IQGAP2: variants seen among roughly 807,000 people sequenced by gnomAD.
The protein encoded by IQGAP2 is IQ motif containing GTPase activating protein 2, also known as ras GTPase-activating-like protein IQGAP2.
Under a neutral mutation model 201.3 loss-of-function variants are expected in IQGAP2, and 173 were observed. That is an observed-to-expected ratio of 0.86 (90% CI 0.76 to 0.98). The LOEUF (loss-of-function observed/expected upper bound fraction) is 0.98, where lower values mean the gene tolerates loss of function less well. IQGAP2 is among the 50% of genes least tolerant of loss of function. IQGAP2 has a pLI of 0.00. For synonymous variants in IQGAP2, 675 were observed against 673.9 expected (o/e 1.00, Z -0.03); for missense variants, 1,687 against 1,864.8 (o/e 0.90, Z 1.76).
At chr5:76,655,791 A>G (rs928805100) in intron 20 of IQGAP2, among the ~76,000 whole-genome samples, 2 of 152,206 alleles carry the variant, frequency 1.3e-5, no homozygotes, top group Non-Finnish European at 2.9e-5. Flanking sequence ...CCCAAAAATA[A>G]CAATCACATT....
At chr5:76,676,889 T>C (rs1744867880) in intron 27 of IQGAP2, among the ~76,000 whole-genome samples, 2 of 152,172 alleles carry the variant, frequency 1.3e-5, no homozygotes, top group East Asian at 3.8e-4. Context: ...AGAATTATCA[T>C]TTTTGACTTT....
At position 76,640,983 on chromosome 5, in the gene IQGAP2, T is replaced by A. The variant is rs551482255; in HGVS notation, c.1974T>A (p.Ser658=). 6.2e-7 allele frequency: 1 copy of A among 1,608,552 alleles called. No homozygotes were observed. The stretch of plus-strand genomic sequence containing the variant: ...GTTACATTCGTGAGAATATATGGTC[T>A]GCTTCAGAAGAGTTGCTTCTTCGCT... ...TVGYIRENIW[S]ASEELLLRFQ... The change falls in exon 17 of 36, where the codon TCT becomes TCA. Residue 658 remains serine (S), a synonymous_variant. Transcript: ENST00000274364.
intron 2 of IQGAP2, among the ~76,000 whole-genome samples, chr5:76,512,035 G>A (rs1022858937): frequency 6.6e-6 from 1 of 152,158 alleles, no homozygotes; most frequent in Non-Finnish European, 1.5e-5. Flanking sequence ...GTATCCTTAG[G>A]TCAAGATTAT....
chr5:76,444,869 A>G (rs951032040), intron 1 of IQGAP2, among the ~76,000 whole-genome samples: 1 of 152,200 alleles, frequency 6.6e-6, no homozygotes, highest in African/African-American at 2.4e-5. Context: ...TTTTGGAAAT[A>G]AAAGAAAATG....
chr5:76,667,072 C>T (rs1182031436), intron 22 of IQGAP2, among the ~76,000 whole-genome samples: 7 of 152,236 alleles, frequency 4.6e-5, no homozygotes, highest in East Asian at 1.9e-4. Flanking sequence ...TAACCAAAGC[C>T]GCAGTCAGCT....
At chr5:76,627,621 A>G in intron 14 of IQGAP2, 121 bp downstream of exon 14, 1 of 643,920 alleles carries the variant, frequency 1.6e-6, no homozygotes, top group South Asian at 2.2e-5. Context: ...GTTCTTGGAC[A>G]CATAATTATA....
At chr5:76,515,348 C>A (rs186041597) in intron 2 of IQGAP2, among the ~76,000 whole-genome samples, 1 of 152,112 alleles carries the variant, frequency 6.6e-6, no homozygotes. Flanking sequence ...TTTTATCAAG[C>A]GATTTTTCTC....
intron 9 of IQGAP2, among the ~76,000 whole-genome samples, chr5:76,594,351 T>G (rs1293645606): frequency 2.0e-5 from 3 of 152,194 alleles, no homozygotes; most frequent in Non-Finnish European, 4.4e-5. Flanking sequence ...TTCTTTTTCA[T>G]GTTAAATAAA....
intron 1 of IQGAP2, among the ~76,000 whole-genome samples, chr5:76,442,334 C>T (rs1454983819): frequency 1.3e-5 from 2 of 152,182 alleles, no homozygotes; most frequent in Non-Finnish European, 2.9e-5. Flanking sequence ...ATAGTCTGAT[C>T]TCATTTCCTT....
chr5:76,403,490 C>G lies in IQGAP2; in HGVS notation c.-56C>G. The G allele has an allele frequency of 7.3e-7, 1 of 1,368,818 alleles. No homozygotes were observed. Among genetic ancestry groups the G allele is most frequent in the Non-Finnish European group, 9.5e-7 (1 of 1,056,120 alleles). The allele number at this position is 1,368,818 out of a possible 1,614,324, so 84.8% of individuals were successfully genotyped here. Reference sequence around the variant, plus strand: ...CGGGGCGCAGAGCCCGCGAGCCTGGCCAGCGAGGGTAGCCGCGGGGGGCGC... The same window carrying G: ...CGGGGCGCAGAGCCCGCGAGCCTGGGCAGCGAGGGTAGCCGCGGGGGGCGC... On this transcript the variant is annotated 5_prime_UTR_variant, in exon 1 of 36. Coordinates refer to ENST00000274364, the MANE Select transcript of IQGAP2 (RefSeq NM_006633.5). The surrounding 1 kb of genome is among the most constrained non-coding windows in gnomAD (Gnocchi z 4.8).
chr5:76,586,079 T>A (rs1280871760), intron 5 of IQGAP2, among the ~76,000 whole-genome samples: 1 of 152,198 alleles, frequency 6.6e-6, no homozygotes, highest in East Asian at 1.9e-4. Flanking sequence ...TGATCTAGCT[T>A]TAATTATAAT....
At chr5:76,691,535 G>A (rs1277386568) in intron 30 of IQGAP2, 1 of 152,166 alleles carries the variant, frequency 6.6e-6, no homozygotes, top group African/African-American at 2.4e-5. Context: ...AGGAAGGAAA[G>A]GATACATTGC....
intron 12 of IQGAP2, among the ~76,000 whole-genome samples, chr5:76,610,422 G>T (rs1195469866): frequency 6.6e-6 from 1 of 151,606 alleles, no homozygotes; most frequent in South Asian, 2.1e-4. Flanking sequence ...TAATGAAAAA[G>T]ACAATAACAA....
chr5:76,497,074 C>G (rs1757034554), intron 2 of IQGAP2, among the ~76,000 whole-genome samples: 1 of 152,132 alleles, frequency 6.6e-6, no homozygotes, highest in Admixed American at 6.5e-5. Context: ...ATGATCCACC[C>G]ACCTCAGCCT....
At chr5:76,627,545 T>C (rs1750354823) in intron 14 of IQGAP2, 45 bp downstream of exon 14, 3 of 1,046,660 alleles carry the variant, frequency 2.9e-6, no homozygotes, top group Non-Finnish European at 4.5e-6. Flanking sequence ...CTTTTTGGAT[T>C]TGGTTATGTG....
chr5:76,622,754 T>G (rs1749827885), intron 13 of IQGAP2, among the ~76,000 whole-genome samples: 1 of 152,248 alleles, frequency 6.6e-6, no homozygotes, highest in Non-Finnish European at 1.5e-5. Flanking sequence ...TGACTTTCTC[T>G]TTCTGGCAGT....
rs1748047549 is a variant in IQGAP2, at chr5:76,707,924, A to G, written c.*611A>G. ...ATGAAAGTGCACTACTGCCTCATGTAAAGACTCTTGCACGCAGAGCCTTTA... is the reference window on the plus strand; with the variant it reads ...ATGAAAGTGCACTACTGCCTCATGTGAAGACTCTTGCACGCAGAGCCTTTA... On this transcript the variant is annotated 3_prime_UTR_variant, in exon 36 of 36. Transcript: ENST00000274364. 6.6e-6 allele frequency: 1 copy of G among 152,666 alleles called. No individual in the cohort carries two copies. The highest frequency in any genetic ancestry group is 6.5e-5 in the Admixed American group (1 of 15,280). The allele number at this position is 152,666 out of a possible 1,614,324, so 9.5% of individuals were successfully genotyped here. A position where few individuals can be genotyped will look rare whatever the true frequency, so the allele number is the denominator to read the frequency against.
At position 76,640,914 on chromosome 5, in the gene IQGAP2, A is replaced by G. The variant is rs781206835; in HGVS notation, c.1924-19A>G. 21 of 1,555,634 alleles carry G rather than the reference A, an allele frequency of 1.3e-5. 2 individuals are homozygous for G. The Middle Eastern group carries it at 3.1e-3, about 229-fold the overall frequency. On this transcript the variant is annotated intron_variant, in intron 16 of 35. Coordinates refer to ENST00000274364, the MANE Select transcript of IQGAP2 (RefSeq NM_006633.5). Reference sequence around the variant, plus strand: ...CAGCTGATGTGTGAAGTGTAACCATAAGAAATATCTCTTGCCAGGACATTA... The same window carrying G: ...CAGCTGATGTGTGAAGTGTAACCATGAGAAATATCTCTTGCCAGGACATTA...
chr5:76,570,472 AG>A (rs1745032294), intron 3 of IQGAP2, 107 bp from the exon 4 acceptor site: 1 of 759,950 alleles, frequency 1.3e-6, no homozygotes, highest in Non-Finnish European at 2.3e-6. Context: ...ACTCTGTTCC[AG>A]GAGAAATACA....
Sources: gnomAD v4.1 joint callset for allele counts (sites outside exome capture counted in the v4.1 genomes callset) on GRCh38, gnomAD v4.1.1 for gene constraint, Gnocchi (gnomAD v3.1) non-coding constraint, MANE v1.5 for transcripts, NCBI Gene and HGNC (gene_info 2026-07-23, HGNC 2026-07-21) for gene names.